Variants in NHS observed in about 807,000 individuals in gnomAD.
NHS encodes the protein actin remodeling regulator NHS.
Under a neutral mutation model 72.5 loss-of-function variants are expected in NHS, and 5 were observed. The observed-to-expected ratio is 0.07, with a 90% confidence interval of 0.04 to 0.14. The LOEUF (loss-of-function observed/expected upper bound fraction) is 0.14, where lower values mean the gene tolerates loss of function less well. NHS is among the 10% of genes least tolerant of loss of function. The pLI is 1.00. For missense variants in NHS, 1,072 were observed against 1,355.7 expected (o/e 0.79, Z 3.29); for synonymous variants, 464 against 547.7 (o/e 0.85, Z 2.13).
intron 1 of NHS, among the ~76,000 whole-genome samples, chrX:17,499,354 C>T (rs985044232): frequency 1.8e-5 from 2 of 111,282 alleles, no homozygotes; most frequent in Non-Finnish European, 3.8e-5. Context: ...TTTCCCAGTC[C>T]AGCCTCACCT....
At chrX:17,681,287 C>T (rs1291216298) in intron 1 of NHS, among the ~76,000 whole-genome samples, 1 of 111,992 alleles carries the variant, frequency 8.9e-6, no homozygotes, top group Non-Finnish European at 1.9e-5. Flanking sequence ...TGTTTTCAGC[C>T]CAGGAAAGGG....
intron 1 of NHS, among the ~76,000 whole-genome samples, chrX:17,502,166 T>C (rs1014761632): frequency 1.8e-5 from 2 of 112,075 alleles, no homozygotes; most frequent in Non-Finnish European, 3.8e-5. Flanking sequence ...CATTGGTTAA[T>C]GTTCCCTTCT....
intron 1 of NHS, among the ~76,000 whole-genome samples, chrX:17,572,929 C>T (rs2065489557): frequency 1.8e-5 from 2 of 111,512 alleles, no homozygotes; most frequent in South Asian, 7.5e-4. Context: ...ATTTCTCCGT[C>T]ACTTATGAAG....
Position 17,513,955 on chromosome X carries a change from G to A in NHS, c.565+137633G>A, listed in dbSNP as rs1299389353. On this transcript the variant is annotated intron_variant, in intron 1 of 8. Transcript: ENST00000676302. ...TGGATTTATAGTTCCACGTGGCTGG[G>A]GAGGCCTCACAATCATGGCAGAAGG... is the stretch of plus-strand genomic sequence containing the variant. 3.6e-5 allele frequency among the ~76,000 whole-genome samples: 4 copies of A among 112,088 alleles called. No homozygotes were observed. The East Asian group carries it at 1.1e-3, about 32-fold the overall frequency.
chrX:17,498,274 C>T (rs192921988), intron 1 of NHS, among the ~76,000 whole-genome samples: 69 of 111,933 alleles, frequency 6.2e-4, no homozygotes, highest in African/African-American at 2.1e-3. Context: ...GTGGCATTAT[C>T]TCCTCACCTA....
chrX:17,732,193 A>T lies in NHS; in HGVS notation c.4685A>T (p.Asp1562Val), dbSNP rs756899188. ...LTAESPQSTD[D>V]AHQGSQGAEA... is the part of the protein sequence containing the mutation. ...GCAGAGTCCCCTCAGAGCACCGATG[A>T]TGCCCATCAGGGGTCACAAGGGGCT... Residue 1562 changes from aspartate (D) to valine (V), a missense_variant, in exon 9 of 9, where the codon GAT becomes GTT. Transcript: ENST00000676302. 3.3e-6 allele frequency: 4 copies of T among 1,210,197 alleles called. No homozygotes were observed. In the African/African-American group the frequency reaches 7.0e-5, roughly 21 times the overall value.
intron 1 of NHS, among the ~76,000 whole-genome samples, chrX:17,506,078 T>G (rs1296452241): frequency 8.9e-6 from 1 of 112,047 alleles, no homozygotes; most frequent in African/African-American, 3.2e-5. Context: ...CCCACAGAAA[T>G]AGAACTGAGG....
At chrX:17,459,409 G>A (rs1374262295) in intron 1 of NHS, among the ~76,000 whole-genome samples, 1 of 111,924 alleles carries the variant, frequency 8.9e-6, no homozygotes, top group Non-Finnish European at 1.9e-5. Flanking sequence ...ACAGGGTGGA[G>A]TGATGATTTC....
At chrX:17,709,253 T>C (rs1174673886) in intron 3 of NHS, among the ~76,000 whole-genome samples, 1 of 111,882 alleles carries the variant, frequency 8.9e-6, no homozygotes, top group African/African-American at 3.3e-5. Flanking sequence ...ATACAGCTAT[T>C]GACCACAATA....
chrX:17,593,679 A>T (rs1453835276), intron 1 of NHS, among the ~76,000 whole-genome samples: 1 of 111,900 alleles, frequency 8.9e-6, no homozygotes, highest in Non-Finnish European at 1.9e-5. Flanking sequence ...ACCTCCATCC[A>T]GGTACCCCTG....
chrX:17,708,416 T>C (rs1224700813), intron 3 of NHS, among the ~76,000 whole-genome samples: 1 of 111,927 alleles, frequency 8.9e-6, no homozygotes, highest in Non-Finnish European at 1.9e-5. Context: ...CCACTTGAAA[T>C]GCCCTTTCTC....
intron 1 of NHS, among the ~76,000 whole-genome samples, chrX:17,665,890 A>C (rs1601825293): frequency 8.9e-6 from 1 of 112,203 alleles, no homozygotes; most frequent in African/African-American, 3.2e-5. Flanking sequence ...TAAGTTTTTC[A>C]AGGAATTTTC....
At chrX:17,511,535 C>G (rs1178443717) in intron 1 of NHS, among the ~76,000 whole-genome samples, 2 of 111,564 alleles carry the variant, frequency 1.8e-5, no homozygotes, top group African/African-American at 6.5e-5. Context: ...TTAGGCCCTT[C>G]CTCTAGAGAA....
At position 17,481,847 on chromosome X, in the gene NHS, CT is replaced by C. The variant is rs776347517; in HGVS notation, c.565+105527del. ...TCGTGTCACCATAGATTAATTTTTT[CT>C]TGTTCTTAAACTTCATGTAAATAGA... is the stretch of plus-strand genomic sequence containing the variant. On this transcript the variant is annotated intron_variant, in intron 1 of 8. Transcript: ENST00000676302. 8.3e-3 allele frequency among the ~76,000 whole-genome samples: 927 copies of C among 112,141 alleles called. 16 individuals are homozygous for C. The highest frequency in any genetic ancestry group is 0.028 in the African/African-American group (875 of 30,904).
intron 1 of NHS, among the ~76,000 whole-genome samples, chrX:17,631,361 C>T (rs1021252505): frequency 1.8e-5 from 2 of 112,123 alleles, no homozygotes; most frequent in African/African-American, 3.2e-5. Flanking sequence ...GAAGTATTAA[C>T]CTATTAACCC....
chrX:17,639,507 G>GTAAT (rs2065869620), intron 1 of NHS, among the ~76,000 whole-genome samples: 1 of 111,080 alleles, frequency 9.0e-6, no homozygotes, highest in South Asian at 3.9e-4. Context: ...GCATCCCAGG[G>GTAAT]TAATAGGGGG....
At chrX:17,710,098 C>T (rs1238628966) in intron 3 of NHS, among the ~76,000 whole-genome samples, 4 of 111,967 alleles carry the variant, frequency 3.6e-5, no homozygotes, top group Non-Finnish European at 7.5e-5. Context: ...TGCGCTCCCA[C>T]TGGAAGAACC....
chrX:17,410,410 G>T (rs1004054106), intron 1 of NHS, among the ~76,000 whole-genome samples: 3 of 110,252 alleles, frequency 2.7e-5, no homozygotes, highest in Non-Finnish European at 5.7e-5. Context: ...AGGACCTTGC[G>T]TTGGGATAAT....
Position 17,727,332 on chromosome X carries a change from A to C in NHS, c.3226A>C (p.Ser1076Arg), listed in dbSNP as rs1416174249. 2 of 1,211,301 alleles carry C rather than the reference A, an allele frequency of 1.7e-6. No homozygotes were observed. ...PSLKDGTISL[S>R]KDLELPIIPP... is the part of the protein sequence containing the mutation. The stretch of plus-strand genomic sequence containing the variant: ...TTTAAAAGATGGAACTATATCACTG[A>C]GTAAAGACCTTGAACTTCCAATTAT... The change falls in exon 7 of 9, where the codon AGT (serine) becomes CGT (arginine). Residue 1076 changes from serine (S) to arginine (R), a missense_variant. Transcript: ENST00000676302.
Sources: allele counts gnomAD v4.1 joint callset (sites outside exome capture counted in the v4.1 genomes callset), GRCh38; gene constraint gnomAD v4.1.1; transcripts MANE v1.5; gene names NCBI Gene and HGNC (gene_info 2026-07-23, HGNC 2026-07-21).